The following SLC35D2 variants were observed in gnomAD, a reference collection of about 807,000 sequenced individuals.
SLC35D2 encodes the protein nucleotide sugar transporter SLC35D2.
A neutral mutation model predicts 41.8 loss-of-function variants in SLC35D2; 43 were observed. The ratio of observed to expected loss-of-function variants is 1.03; its 90% confidence interval spans 0.81 to 1.33. The LOEUF (loss-of-function observed/expected upper bound fraction) is 1.33, where lower values mean the gene tolerates loss of function less well. Ranked by LOEUF, SLC35D2 falls within the 40% of genes most tolerant of loss-of-function variation. SLC35D2 has a pLI of 0.00. For synonymous variants in SLC35D2, 150 were observed against 163.9 expected (o/e 0.92, Z 0.65); for missense variants, 380 against 408.4 (o/e 0.93, Z 0.60).
rs552707136 is a variant in SLC35D2 at position 96,347,044 on chromosome 9, G to A, written c.489-1643C>T. 1.1e-3 allele frequency among the ~76,000 whole-genome samples: 165 copies of A among 152,300 alleles called. 1 individual carries two copies. The highest frequency in any genetic ancestry group is 1.4e-3 in the Non-Finnish European group (94 of 68,018). ...CCAGCTACTTGGGAGGCTGAGGCAG[G>A]AGAATCACTTGAACCAGGGAGGCAG... On this transcript the variant is annotated intron_variant, in intron 6 of 11. Coordinates refer to ENST00000253270, the MANE Select transcript of SLC35D2 (RefSeq NM_007001.3).
chr9:96,380,678 C>G (rs1302456354), intron 1 of SLC35D2, among the ~76,000 whole-genome samples: 3 of 151,394 alleles, frequency 2.0e-5, no homozygotes, highest in Non-Finnish European at 4.4e-5. Flanking sequence ...TTTCACCATG[C>G]TGGCCAGGCT....
downstream of SLC35D2, among the ~76,000 whole-genome samples, chr9:96,317,007 G>A (rs1451537384): frequency 1.3e-5 from 2 of 151,640 alleles, no homozygotes; most frequent in East Asian, 1.9e-4. Flanking sequence ...GTGTAGTGGC[G>A]GGCGCCTGTA....
At chr9:96,347,426 C>T (rs984138260) in intron 6 of SLC35D2, among the ~76,000 whole-genome samples, 2 of 152,222 alleles carry the variant, frequency 1.3e-5, no homozygotes, top group Non-Finnish European at 2.9e-5. Flanking sequence ...GAAGAATTTA[C>T]TTGTTTAATC....
chr9:96,348,927 T>C (rs1225969879), intron 6 of SLC35D2, among the ~76,000 whole-genome samples: 2 of 152,174 alleles, frequency 1.3e-5, no homozygotes, highest in African/African-American at 4.8e-5. Context: ...TTATAAACCA[T>C]TTTTTGCAAA....
Position 96,368,209 on chromosome 9 carries a change from T to C in SLC35D2, c.192+63A>G, listed in dbSNP as rs914198502. 1.5e-5 allele frequency: 20 copies of C among 1,374,176 alleles called. No individual in the cohort carries two copies. The Admixed American group carries it at 1.6e-4, about 11-fold the overall frequency. The allele number at this position is 1,374,176 out of a possible 1,614,324, so 85.1% of individuals were successfully genotyped here. ...AAACCACAGCTTTAAACAAAAGGAC[T>C]TAAAATGTCATTATGAATACTGATA... is the stretch of plus-strand genomic sequence containing the variant. On this transcript the variant is annotated intron_variant, in intron 2 of 11. Transcript: ENST00000253270.
At chr9:96,365,135 C>G (rs1830426846) in intron 2 of SLC35D2, among the ~76,000 whole-genome samples, 1 of 151,272 alleles carries the variant, frequency 6.6e-6, no homozygotes, top group Non-Finnish European at 1.5e-5. Context: ...GGGAAGATCA[C>G]TTGAGCCTAG....
intron 8 of SLC35D2, 106 bp downstream of exon 8, chr9:96,343,798 T>C: frequency 4.7e-6 from 3 of 641,660 alleles, no homozygotes; most frequent in Non-Finnish European, 7.8e-6. Flanking sequence ...ACCCTCCTGG[T>C]AGTCCTAGCT....
intron 6 of SLC35D2, among the ~76,000 whole-genome samples, chr9:96,350,111 C>CAAACCTTAGTCATCTAAGTAATAA (rs1829747919): frequency 1.3e-5 from 2 of 151,992 alleles, no homozygotes; most frequent in Admixed American, 1.3e-4. Flanking sequence ...GTACAGATGA[C>CAAACCTTAGTCATCTAAGTAATAA]ACGTAAGTAA....
chr9:96,383,607 C>A lies in SLC35D2; in HGVS notation c.28G>T (p.Glu10Ter), dbSNP rs1179406135. Residue 10 changes from glutamate to a stop codon, truncating the protein, a stop_gained, in exon 1 of 12, where the codon GAG (glutamate) becomes TAG (stop). Coordinates refer to ENST00000253270, the MANE Select transcript of SLC35D2 (RefSeq NM_007001.3). LOFTEE classifies it high-confidence loss of function. Reference protein sequence around the residue: MTAGGQAEAEGAGGEPGAAR... With the variant: MTAGGQAEA ...GCGCCGGGCTCCCCGCCAGCGCCCT[C>A]GGCCTCGGCCTGGCCGCCGGCCGTC... is the stretch of plus-strand genomic sequence containing the variant. 3 of 1,218,456 alleles carry A rather than the reference C, an allele frequency of 2.5e-6. No homozygotes were observed. The highest frequency in any genetic ancestry group is 3.1e-6 in the Non-Finnish European group (3 of 981,856). The allele number at this position is 1,218,456 out of a possible 1,614,324, so 75.5% of individuals were successfully genotyped here.
intron 9 of SLC35D2, among the ~76,000 whole-genome samples, chr9:96,331,327 T>C (rs907817924): frequency 3.9e-5 from 6 of 152,196 alleles, no homozygotes; most frequent in African/African-American, 1.4e-4. Flanking sequence ...TTTTATCTTA[T>C]GTAAAATGCA....
At chr9:96,346,933 T>A (rs918632436) in intron 6 of SLC35D2, among the ~76,000 whole-genome samples, 2 of 151,714 alleles carry the variant, frequency 1.3e-5, no homozygotes, top group African/African-American at 4.8e-5. Context: ...GGTCGGGAGT[T>A]CGAAACCAGC....
chr9:96,369,582 A>G (rs1477359106), intron 1 of SLC35D2, among the ~76,000 whole-genome samples: 1 of 152,224 alleles, frequency 6.6e-6, no homozygotes, highest in Non-Finnish European at 1.5e-5. Context: ...AGATAATCCA[A>G]TGGGACAATG....
chr9:96,323,655 G>A (rs1828362235), intron 10 of SLC35D2, among the ~76,000 whole-genome samples: 1 of 152,056 alleles, frequency 6.6e-6, no homozygotes. Flanking sequence ...GGCCGGGCTC[G>A]GTGGCTCACG....
At chr9:96,367,564 C>G (rs1156349002) in intron 2 of SLC35D2, among the ~76,000 whole-genome samples, 1 of 152,070 alleles carries the variant, frequency 6.6e-6, no homozygotes, top group African/African-American at 2.4e-5. Flanking sequence ...GTGCGGATCG[C>G]CTGAGGTCAG....
At chr9:96,341,399 A>T (rs1222756070) in intron 8 of SLC35D2, among the ~76,000 whole-genome samples, 2 of 152,248 alleles carry the variant, frequency 1.3e-5, no homozygotes, top group Admixed American at 6.5e-5. Context: ...CTTTTCATAT[A>T]CAAATGAAGT....
chr9:96,326,420 A>C (rs1828529503), intron 9 of SLC35D2, among the ~76,000 whole-genome samples: 1 of 152,246 alleles, frequency 6.6e-6, no homozygotes, highest in South Asian at 2.1e-4. Context: ...TTTATCAAAT[A>C]ATGAAAGTAA....
At chr9:96,358,108 A>ATATATATATATATATATAT (rs1830117020) in intron 4 of SLC35D2, among the ~76,000 whole-genome samples, 1 of 143,148 alleles carries the variant, frequency 7.0e-6, no homozygotes, top group Non-Finnish European at 1.5e-5. Context: ...ATATATATAT[A>ATATATATATATATATATAT]CCTGCAATGG....
At chr9:96,324,444 A>G (rs1828412451) in intron 9 of SLC35D2, among the ~76,000 whole-genome samples, 1 of 152,164 alleles carries the variant, frequency 6.6e-6, no homozygotes, top group African/African-American at 2.4e-5. Context: ...CATGGGAGTA[A>G]GGAGAACAAG....
Position 96,321,145 on chromosome 9 carries a change from G to C in SLC35D2, c.*97C>G. On this transcript the variant is annotated 3_prime_UTR_variant, in exon 12 of 12. Transcript: ENST00000253270. Reference sequence around the variant, plus strand: ...GATGCTCTCACTTGCCCAGGGGGTGGATGTCACGAATCCGAAACCTCTGGC... The same window carrying C: ...GATGCTCTCACTTGCCCAGGGGGTGCATGTCACGAATCCGAAACCTCTGGC... 1.2e-6 allele frequency: 1 copy of C among 854,208 alleles called. No homozygotes were observed. Among genetic ancestry groups the C allele is most frequent in the Non-Finnish European group, 1.9e-6 (1 of 520,274 alleles). The allele number at this position is 854,208 out of a possible 1,614,324, so 52.9% of individuals were successfully genotyped here.
Sources: allele counts gnomAD v4.1 joint callset (sites outside exome capture counted in the v4.1 genomes callset), GRCh38; gene constraint gnomAD v4.1.1; transcripts MANE v1.5; gene names NCBI Gene and HGNC (gene_info 2026-07-23, HGNC 2026-07-21).